The following TCEA2 variants were observed in gnomAD, a reference collection of about 807,000 sequenced individuals.
The protein encoded by TCEA2 is transcription elongation factor A2.
Under a neutral mutation model 40.8 loss-of-function variants are expected in TCEA2, and 21 were observed. The observed-to-expected ratio is 0.51, with a 90% CI of 0.36 to 0.74. The LOEUF (loss-of-function observed/expected upper bound fraction) is 0.74. Among genes scored for constraint, TCEA2 ranks in the 30% least tolerant of loss-of-function variants. The pLI is 0.00. For synonymous variants in TCEA2, 165 were observed against 162.7 expected, an observed-to-expected ratio of 1.01 and a Z score of -0.11; for missense variants, 326 against 426.5, an observed-to-expected ratio of 0.76 and a Z score of 2.08.
At chr20:64,061,349 C>T (rs1431764761), upstream of TCEA2, among the ~76,000 whole-genome samples, 3 of 152,012 alleles carry the variant, frequency 2.0e-5, no homozygotes, top group East Asian at 3.9e-4. Flanking sequence ...GATCGCCGCT[C>T]ACTGCAAGCT....
intron 6 of TCEA2, 108 bp downstream of exon 6, chr20:64,069,929 G>C (rs1174326887): frequency 8.6e-6 from 12 of 1,393,706 alleles, no homozygotes; most frequent in Non-Finnish European, 1.2e-5. Flanking sequence ...GCTGTCCAGG[G>C]GTCACCTGCC....
Position 64,067,904 on chromosome 20 carries a change from C to T in TCEA2, c.242-143C>T, listed in dbSNP as rs2059733032. 45 of 614,104 alleles carry T rather than the reference C, an allele frequency of 7.3e-5. No homozygotes were observed. In the South Asian group the frequency reaches 9.6e-4, roughly 13 times the overall value. The allele number at this position is 614,104 out of a possible 1,614,324, so 38.0% of individuals were successfully genotyped here. On this transcript the variant is annotated intron_variant, in intron 3 of 9. Coordinates refer to ENST00000343484, the MANE Select transcript of TCEA2 (RefSeq NM_003195.6). Reference sequence around the variant, plus strand: ...CTGGGCAGCCTCCTGGCCCCTGGCTCCCCTGGCTGGGTGAGGGGCTGGGGG... The same window carrying T: ...CTGGGCAGCCTCCTGGCCCCTGGCTTCCCTGGCTGGGTGAGGGGCTGGGGG...
chr20:64,060,456 A>G (rs2059540299), upstream of TCEA2, among the ~76,000 whole-genome samples: 1 of 152,276 alleles, frequency 6.6e-6, no homozygotes, highest in African/African-American at 2.4e-5. Context: ...GGGCAGTTCC[A>G]GTGTGGCTTC....
At chr20:64,066,446 C>G (rs1163381205) in intron 1 of TCEA2, 30 bp from the exon 2 acceptor site, 7 of 1,611,846 alleles carry the variant, frequency 4.3e-6, no homozygotes, top group Non-Finnish European at 5.9e-6. Context: ...GATCTAAAGT[C>G]CTTTATGAAG....
Position 64,069,802 on chromosome 20 carries a change from G to C in TCEA2, c.498G>C (p.Leu166=). The change falls in exon 6 of 10, where the codon CTG becomes CTC. Residue 166 remains leucine (L), a synonymous_variant. Transcript: ENST00000343484. ...CCATCGGTGCGGACTGCGAGCGCCT[G>C]TCGGCTCAGATCGAGGAATATATCC... ...HVAIGADCER[L]SAQIEECIFR... The C allele has an allele frequency of 6.2e-7, 1 of 1,613,966 alleles. No individual in the cohort carries two copies. The highest frequency in any genetic ancestry group is 8.5e-7 in the Non-Finnish European group (1 of 1,179,966).
upstream of TCEA2, among the ~76,000 whole-genome samples, chr20:64,061,420 C>CAT (rs2059563255): frequency 6.6e-6 from 1 of 152,096 alleles, no homozygotes. Context: ...GGACTACAGG[C>CAT]GTCCGCCACC....
chr20:64,069,948 C>A, intron 6 of TCEA2, 127 bp downstream of exon 6: 1 of 1,220,168 alleles, frequency 8.2e-7, no homozygotes, highest in Non-Finnish European at 1.2e-6. Flanking sequence ...CCTGGGTGGT[C>A]ACCTGCCTGG....
chr20:64,066,412 G>A (rs1469646758), intron 1 of TCEA2, 64 bp from the exon 2 acceptor site: 4 of 1,561,886 alleles, frequency 2.6e-6, no homozygotes, highest in Non-Finnish European at 3.5e-6. Flanking sequence ...CCAGTAGGCA[G>A]AAGGAGGTGA....
At chr20:64,060,052 T>G (rs961974422), upstream of TCEA2, among the ~76,000 whole-genome samples, 1 of 152,136 alleles carries the variant, frequency 6.6e-6, no homozygotes, top group African/African-American at 2.4e-5. Flanking sequence ...CTGCACAGCC[T>G]CCTCTGGCAG....
chr20:64,066,631 TC>T, intron 2 of TCEA2, 93 bp downstream of exon 2: 2 of 1,429,872 alleles, frequency 1.4e-6, no homozygotes, highest in Non-Finnish European at 1.9e-6. Context: ...TTCCCCACCC[TC>T]CCCACCAGGC....
At chr20:64,068,013 C>G (rs557908685) in intron 3 of TCEA2, 34 bp from the exon 4 acceptor site, 1 of 1,553,782 alleles carries the variant, frequency 6.4e-7, no homozygotes, top group East Asian at 2.3e-5. Flanking sequence ...CCTCTGCCTC[C>G]CCTTGATCAG....
intron 1 of TCEA2, chr20:64,063,698 C>G (rs2059621306): frequency 2.5e-6 from 1 of 405,276 alleles, no homozygotes; most frequent in East Asian, 4.7e-5. Flanking sequence ...TTCCCTGTCC[C>G]TTAACTCCAG....
chr20:64,063,789 G>A (rs539334422), intron 1 of TCEA2: 3 of 193,440 alleles, frequency 1.6e-5, no homozygotes, highest in Non-Finnish European at 3.2e-5. Flanking sequence ...CCTCCTCTGC[G>A]GGCCGCGCCA....
rs2059783706 is a variant in TCEA2 at position 64,069,752 on chromosome 20, C to T, written c.461-13C>T. Reference sequence around the variant, plus strand: ...AACCAGTGGGGGAAGCTAGTCAGGGCTCCCTCTTGCAGATGACCACGTGGC... The same window carrying T: ...AACCAGTGGGGGAAGCTAGTCAGGGTTCCCTCTTGCAGATGACCACGTGGC... On this transcript the variant is annotated splice_polypyrimidine_tract_variant and intron_variant, in intron 5 of 9. Coordinates refer to ENST00000343484, the MANE Select transcript of TCEA2 (RefSeq NM_003195.6). 1.0e-5 allele frequency: 16 copies of T among 1,607,146 alleles called. No homozygotes were observed. The highest frequency in any genetic ancestry group is 1.7e-5 in the Admixed American group (1 of 59,754).
At chr20:64,072,120 T>C (rs1438736405) in intron 9 of TCEA2, 52 bp from the exon 10 acceptor site, 1 of 1,611,306 alleles carries the variant, frequency 6.2e-7, no homozygotes, top group African/African-American at 1.3e-5. Context: ...CCTTCCACTC[T>C]GGGGGATCTC....
chr20:64,065,416 T>A (rs1452040833), intron 1 of TCEA2: 3 of 152,216 alleles, frequency 2.0e-5, no homozygotes, highest in Admixed American at 2.0e-4. Context: ...GAGGGAATGA[T>A]ACACACGTGG....
chr20:64,068,007 T>G, intron 3 of TCEA2, 40 bp from the exon 4 acceptor site: 1 of 1,523,584 alleles, frequency 6.6e-7, no homozygotes, highest in Non-Finnish European at 9.0e-7. Context: ...CTCCCTCCTC[T>G]GCCTCCCCTT....
intron 1 of TCEA2, 132 bp downstream of exon 1, chr20:64,063,516 G>A (rs965012568): frequency 1.8e-5 from 19 of 1,048,524 alleles, no homozygotes; most frequent in Admixed American, 1.4e-4. Flanking sequence ...GAGACTAACC[G>A]GGACGCAGGG....
intron 1 of TCEA2, 196 bp from the exon 2 acceptor site, chr20:64,066,280 G>A (rs1272361973): frequency 5.1e-6 from 3 of 588,026 alleles, no homozygotes; most frequent in Non-Finnish European, 6.1e-6. Flanking sequence ...TGAGCAGTAA[G>A]GGTTCCCTGC....
Sources: gnomAD v4.1 joint callset for allele counts (sites outside exome capture counted in the v4.1 genomes callset) on GRCh38, gnomAD v4.1.1 for gene constraint, MANE v1.5 for transcripts, NCBI Gene and HGNC (gene_info 2026-07-23, HGNC 2026-07-21) for gene names.